Variants in DPYD observed in about 807,000 individuals in gnomAD.
DPYD encodes dihydropyrimidine dehydrogenase.
DPYD carries 109 observed loss-of-function variants against 116.2 expected under a neutral mutation model. That is an observed-to-expected ratio of 0.94 (90% CI 0.80 to 1.10). DPYD has a LOEUF of 1.10. DPYD is among the 50% of genes least tolerant of loss of function. The probability of loss-of-function intolerance (pLI) is 0.00; values close to 1 mark genes in which losing one functional copy is unlikely to be tolerated. For synonymous variants in DPYD, 440 were observed against 432.0 expected, an observed-to-expected ratio of 1.02 and a Z score of -0.23; for missense variants, 1,302 against 1,254.5, an observed-to-expected ratio of 1.04 and a Z score of -0.57.
intron 20 of DPYD, among the ~76,000 whole-genome samples, chr1:97,111,278 C>A (rs904618904): frequency 1.3e-5 from 2 of 152,038 alleles, no homozygotes; most frequent in African/African-American, 4.8e-5. Context: ...ACAGATGATT[C>A]CTCTGCTTAA....
chr1:97,480,783 C>T (rs1022689685), intron 13 of DPYD, among the ~76,000 whole-genome samples: 2 of 152,128 alleles, frequency 1.3e-5, no homozygotes, highest in Non-Finnish European at 2.9e-5. Flanking sequence ...GAGTTCAAGA[C>T]CAGCCTGGCC....
chr1:97,540,169 T>G (rs1650319246), intron 12 of DPYD, among the ~76,000 whole-genome samples: 1 of 151,838 alleles, frequency 6.6e-6, no homozygotes, highest in South Asian at 2.1e-4. Context: ...GGTTGAGAGC[T>G]CATTCCCCAA....
chr1:97,663,517 T>C (rs1188823460), intron 8 of DPYD, among the ~76,000 whole-genome samples: 2 of 152,184 alleles, frequency 1.3e-5, no homozygotes, highest in African/African-American at 4.8e-5. Context: ...GTCCTCAATT[T>C]TCTCTTGCTT....
At chr1:97,776,041 A>C (rs1666389098) in intron 3 of DPYD, among the ~76,000 whole-genome samples, 1 of 152,104 alleles carries the variant, frequency 6.6e-6, no homozygotes, top group Non-Finnish European at 1.5e-5. Flanking sequence ...AGGTGGGGAA[A>C]GGTGGGGATG....
At chr1:97,514,130 T>G (rs1276941156) in intron 13 of DPYD, 2 of 883,910 alleles carry the variant, frequency 2.3e-6, no homozygotes, top group Admixed American at 6.2e-5. Flanking sequence ...ACTTCTAAAT[T>G]GATAGATTAA....
intron 21 of DPYD, among the ~76,000 whole-genome samples, chr1:97,091,825 G>C (rs1319039564): frequency 6.6e-6 from 1 of 152,110 alleles, no homozygotes; most frequent in African/African-American, 2.4e-5. Context: ...TGGTCTCCTT[G>C]TTTCTGCCCT....
chr1:97,840,306 C>T (rs978654676), intron 2 of DPYD, among the ~76,000 whole-genome samples: 4 of 151,832 alleles, frequency 2.6e-5, no homozygotes, highest in Non-Finnish European at 4.4e-5. Context: ...TTTTTAAGCC[C>T]AGTGCTGTAA....
chr1:97,473,388 C>A (rs933299532), intron 13 of DPYD, among the ~76,000 whole-genome samples: 5 of 152,160 alleles, frequency 3.3e-5, no homozygotes, highest in African/African-American at 1.2e-4. Context: ...CATCAATGGA[C>A]ACTTAGGTTG....
chr1:97,498,575 A>G (rs1029127819), intron 13 of DPYD, among the ~76,000 whole-genome samples: 1 of 151,600 alleles, frequency 6.6e-6, no homozygotes, highest in African/African-American at 2.4e-5. Flanking sequence ...TAATTGCATA[A>G]AATCATGATA....
At chr1:97,660,803 T>A (rs1167293707) in intron 8 of DPYD, among the ~76,000 whole-genome samples, 1 of 152,126 alleles carries the variant, frequency 6.6e-6, no homozygotes, top group Non-Finnish European at 1.5e-5. Context: ...GGAAAAAAAA[T>A]ATCCTTTCAA....
intron 13 of DPYD, among the ~76,000 whole-genome samples, chr1:97,474,938 G>A (rs1293558737): frequency 6.6e-6 from 1 of 151,940 alleles, no homozygotes; most frequent in Non-Finnish European, 1.5e-5. Flanking sequence ...TTATATCTAT[G>A]AAAGTTGCTA....
intron 13 of DPYD, among the ~76,000 whole-genome samples, chr1:97,456,122 T>C (rs752303532): frequency 1.3e-5 from 2 of 151,852 alleles, no homozygotes; most frequent in Non-Finnish European, 2.9e-5. Flanking sequence ...CATGGTTGCA[T>C]ATCTAGTAAG....
intron 3 of DPYD, among the ~76,000 whole-genome samples, chr1:97,761,567 C>T (rs759907456): frequency 4.6e-5 from 7 of 152,110 alleles, no homozygotes; most frequent in Non-Finnish European, 5.9e-5. Flanking sequence ...TTCTTACACA[C>T]TGTTGCTGGG....
chr1:97,626,238 GA>G (rs1304886164), intron 8 of DPYD, among the ~76,000 whole-genome samples: 2 of 151,814 alleles, frequency 1.3e-5, no homozygotes, highest in South Asian at 2.1e-4. Flanking sequence ...AAATCAATGG[GA>G]AAAAAATGTC....
In DPYD at chr1:97,663,670, A is replaced by G. The variant is rs150186116; in HGVS notation, c.850+15425T>C. Among the ~76,000 whole-genome samples the G allele has an allele frequency of 3.2e-3, 491 of 152,320 alleles. 1 individual carries two copies. Among genetic ancestry groups the G allele is most frequent in the Non-Finnish European group, 5.1e-3 (348 of 68,028 alleles). ...TCCTTCATTTTCCACAGCACAAAGT[A>G]AACACTCAATAACTACAGATAACTA... On this transcript the variant is annotated intron_variant, in intron 8 of 22. Transcript: ENST00000370192.
intron 18 of DPYD, among the ~76,000 whole-genome samples, chr1:97,272,348 C>T (rs1664639037): frequency 6.6e-6 from 1 of 152,110 alleles, no homozygotes; most frequent in Non-Finnish European, 1.5e-5. Flanking sequence ...TGTCTTTTAA[C>T]TGAGTAAACG....
chr1:97,687,406 T>G (rs1366484038), intron 7 of DPYD, among the ~76,000 whole-genome samples: 4 of 151,952 alleles, frequency 2.6e-5, no homozygotes, highest in Non-Finnish European at 5.9e-5. Context: ...ATTGGAGAAA[T>G]GCAAATCAAA....
chr1:97,279,111 C>T (rs1294324772), intron 18 of DPYD, among the ~76,000 whole-genome samples: 1 of 151,948 alleles, frequency 6.6e-6, no homozygotes, highest in East Asian at 1.9e-4. Flanking sequence ...TCCTGTCACC[C>T]AGGTAGTGAG....
intron 7 of DPYD, among the ~76,000 whole-genome samples, chr1:97,682,188 G>T (rs541389618): frequency 2.0e-5 from 3 of 151,968 alleles, no homozygotes; most frequent in Non-Finnish European, 2.9e-5. Context: ...TGTGCAAATG[G>T]GGATAGAAAA....
Sources: allele counts gnomAD v4.1 joint callset (sites outside exome capture counted in the v4.1 genomes callset), GRCh38; gene constraint gnomAD v4.1.1; transcripts MANE v1.5; gene names NCBI Gene and HGNC (gene_info 2026-07-23, HGNC 2026-07-21).